The following NECAB1 variants were observed in gnomAD, a reference collection of about 807,000 sequenced individuals.
The protein encoded by NECAB1 is N-terminal EF-hand calcium-binding protein 1.
In NECAB1, 29 loss-of-function variants were observed where a neutral mutation model predicts 57.5. That is an observed-to-expected ratio of 0.50 (90% CI 0.38 to 0.69). The LOEUF (loss-of-function observed/expected upper bound fraction) is 0.69, where lower values mean the gene tolerates loss of function less well. Among genes scored for constraint, NECAB1 ranks in the 30% least tolerant of loss-of-function variants. NECAB1 has a pLI of 0.00. For missense variants in NECAB1, 372 were observed against 413.8 expected (o/e 0.90, Z 0.88); for synonymous variants, 142 against 147.7 (o/e 0.96, Z 0.28).
chr8:90,884,670 G>GA (rs1277372762), intron 5 of NECAB1, among the ~76,000 whole-genome samples: 23 of 152,194 alleles, frequency 1.5e-4, no homozygotes, highest in African/African-American at 5.5e-4. Flanking sequence ...AAAATAAAAT[G>GA]AAAAAATTAT....
chr8:90,795,740 A>T (rs1450326227), intron 1 of NECAB1, among the ~76,000 whole-genome samples: 1 of 149,462 alleles, frequency 6.7e-6, no homozygotes, highest in Non-Finnish European at 1.5e-5. Flanking sequence ...ACACACACAC[A>T]CTTGCTCATT....
chr8:90,926,216 A>T (rs1810265161), intron 7 of NECAB1, among the ~76,000 whole-genome samples: 1 of 152,236 alleles, frequency 6.6e-6, no homozygotes, highest in South Asian at 2.1e-4. Context: ...GTTGCTAAAT[A>T]TTGGAGTAAT....
At chr8:90,933,280 T>C (rs963841186) in intron 8 of NECAB1, among the ~76,000 whole-genome samples, 4 of 150,682 alleles carry the variant, frequency 2.7e-5, no homozygotes, top group Middle Eastern at 3.2e-3. Flanking sequence ...TGCACACACA[T>C]GTTTATAGCA....
chr8:90,866,581 G>C (rs1420453708), intron 3 of NECAB1, among the ~76,000 whole-genome samples: 1 of 152,116 alleles, frequency 6.6e-6, no homozygotes, highest in Non-Finnish European at 1.5e-5. Flanking sequence ...GGAAATTTTA[G>C]TTTTGAAGCA....
chr8:90,806,287 C>T (rs1338852765), intron 2 of NECAB1, among the ~76,000 whole-genome samples: 3 of 152,140 alleles, frequency 2.0e-5, no homozygotes, highest in African/African-American at 4.8e-5. Flanking sequence ...GCAGCCTGCA[C>T]GTATTAAATT....
At chr8:90,800,343 T>A (rs1239810215) in intron 1 of NECAB1, among the ~76,000 whole-genome samples, 1 of 152,130 alleles carries the variant, frequency 6.6e-6, no homozygotes, top group African/African-American at 2.4e-5. Context: ...AGTACTATGT[T>A]GAATAGGAGT....
intron 2 of NECAB1, among the ~76,000 whole-genome samples, chr8:90,817,376 A>G (rs984170660): frequency 2.0e-5 from 3 of 151,704 alleles, no homozygotes; most frequent in Non-Finnish European, 4.4e-5. Context: ...GTGAAAAAGG[A>G]TACTTCCTAG....
chr8:90,834,564 G>A (rs894567498), intron 3 of NECAB1, among the ~76,000 whole-genome samples: 1 of 152,030 alleles, frequency 6.6e-6, no homozygotes, highest in African/African-American at 2.4e-5. Context: ...CTTAATCTTC[G>A]ACTTAGCCTC....
intron 4 of NECAB1, among the ~76,000 whole-genome samples, chr8:90,877,944 A>G (rs1808758077): frequency 6.6e-6 from 1 of 152,154 alleles, no homozygotes; most frequent in Non-Finnish European, 1.5e-5. Flanking sequence ...AGTATCCAGC[A>G]GGTTAAGTCC....
chr8:90,955,429 A>G (rs1475047426), intron 12 of NECAB1, 58 bp from the exon 13 acceptor site: 7 of 1,285,112 alleles, frequency 5.4e-6, no homozygotes, highest in Non-Finnish European at 6.6e-6. Context: ...TGCACCTTGA[A>G]TGTTCTTTGC....
intron 12 of NECAB1, among the ~76,000 whole-genome samples, chr8:90,951,647 T>C (rs1273125098): frequency 6.6e-6 from 1 of 152,114 alleles, no homozygotes; most frequent in Non-Finnish European, 1.5e-5. Flanking sequence ...TTGAGCTCCA[T>C]TTCTGAACAA....
chr8:90,807,816 C>T (rs1412707060), intron 2 of NECAB1, among the ~76,000 whole-genome samples: 1 of 152,162 alleles, frequency 6.6e-6, no homozygotes, highest in African/African-American at 2.4e-5. Context: ...ACCTCAACTA[C>T]ACATCTACCA....
At chr8:90,934,491 G>A in intron 9 of NECAB1, 134 bp downstream of exon 9, 1 of 631,374 alleles carries the variant, frequency 1.6e-6, no homozygotes, top group South Asian at 2.7e-5. Context: ...AGATTCAGTA[G>A]TGTTGTTTCT....
chr8:90,811,034 AC>A (rs1811950608), intron 2 of NECAB1, among the ~76,000 whole-genome samples: 1 of 147,724 alleles, frequency 6.8e-6, no homozygotes, highest in African/African-American at 2.5e-5. Flanking sequence ...CGCAACCTCC[AC>A]CTCCCAGGTT....
chr8:90,950,828 A>T (rs1810910974), intron 11 of NECAB1, among the ~76,000 whole-genome samples: 1 of 152,120 alleles, frequency 6.6e-6, no homozygotes, highest in Non-Finnish European at 1.5e-5. Flanking sequence ...TTGTTTTTAA[A>T]CAAGATATAT....
intron 9 of NECAB1, among the ~76,000 whole-genome samples, chr8:90,937,502 C>T (rs944957277): frequency 1.4e-4 from 22 of 151,988 alleles, no homozygotes; most frequent in African/African-American, 5.3e-4. Context: ...CTTACTACAT[C>T]GAATGATTCT....
chr8:90,886,826 C>G (rs554148472), intron 5 of NECAB1, among the ~76,000 whole-genome samples: 86 of 152,098 alleles, frequency 5.7e-4, no homozygotes, highest in Middle Eastern at 6.8e-3. Context: ...GAATTGTCAT[C>G]TTGGTAATAT....
At chr8:90,817,358 T>C (rs1183035047) in intron 2 of NECAB1, among the ~76,000 whole-genome samples, 2 of 151,734 alleles carry the variant, frequency 1.3e-5, no homozygotes, top group Non-Finnish European at 3.0e-5. Flanking sequence ...TATTATTCAA[T>C]AGGATTGGTG....
chr8:90,835,015 A>G (rs1310851530), intron 3 of NECAB1, among the ~76,000 whole-genome samples: 1 of 148,292 alleles, frequency 6.7e-6, no homozygotes, highest in Admixed American at 6.7e-5. Flanking sequence ...AAGAGCCCGC[A>G]TCGACTTTCT....
Sources: allele counts gnomAD v4.1 joint callset (sites outside exome capture counted in the v4.1 genomes callset), GRCh38; gene constraint gnomAD v4.1.1; transcripts MANE v1.5; gene names NCBI Gene and HGNC (gene_info 2026-07-23, HGNC 2026-07-21).